Variants in SMCO2 observed in about 807,000 individuals in gnomAD.
The protein encoded by SMCO2 is single-pass membrane protein with coiled-coil domains 2, also known as single-pass membrane and coiled-coil domain-containing protein 2.
Under a neutral mutation model 29.5 loss-of-function variants are expected in SMCO2, and 25 were observed. The ratio of observed to expected loss-of-function variants is 0.85; its 90% CI spans 0.62 to 1.18. The LOEUF (loss-of-function observed/expected upper bound fraction) is 1.18. Ranked by LOEUF, SMCO2 falls within the 50% of genes most tolerant of loss-of-function variation. The pLI is 0.00. For missense variants in SMCO2, 348 were observed against 344.5 expected, an observed-to-expected ratio of 1.01 and a Z score of -0.08; for synonymous variants, 117 against 123.3, an observed-to-expected ratio of 0.95 and a Z score of 0.34.
intron 5 of SMCO2, among the ~76,000 whole-genome samples, chr12:27,492,431 C>G (rs1224342030): frequency 6.6e-5 from 10 of 152,144 alleles, no homozygotes; most frequent in Non-Finnish European, 1.0e-4. Context: ...GGCATGGTGG[C>G]TCATGCCTGT....
the SMCO2 span, among the ~76,000 whole-genome samples, chr12:27,429,795 CA>C: frequency 6.6e-6 from 1 of 152,140 alleles, no homozygotes; most frequent in African/African-American, 2.4e-5. Flanking sequence ...GTGCAATTGC[CA>C]AATCAAAATT....
intron 7 of SMCO2, chr12:27,497,782 A>G (rs1440266506): frequency 2.1e-5 from 4 of 190,716 alleles, no homozygotes; most frequent in Admixed American, 6.2e-5. Context: ...GATGCATCTG[A>G]TCTGGCTGCT....
the SMCO2 span, among the ~76,000 whole-genome samples, chr12:27,435,183 A>G: frequency 6.8e-6 from 1 of 146,684 alleles, no homozygotes; most frequent in African/African-American, 2.5e-5. Context: ...TAATTCTTTA[A>G]TTATACATCC....
intron 1 of SMCO2, among the ~76,000 whole-genome samples, chr12:27,467,665 T>G (rs1176489687): frequency 6.6e-6 from 1 of 152,138 alleles, no homozygotes; most frequent in African/African-American, 2.4e-5. Flanking sequence ...GGGCATTAAT[T>G]TTATGTGTAA....
At chr12:27,450,387 G>A in the SMCO2 span, among the ~76,000 whole-genome samples, 1 of 152,100 alleles carries the variant, frequency 6.6e-6, no homozygotes, top group Non-Finnish European at 1.5e-5. Context: ...GTTTCCACTG[G>A]ACCTCTGTGT....
At chr12:27,464,716 CAAAAAAAAAAAA>C (rs767874837), upstream of SMCO2, among the ~76,000 whole-genome samples, 1 of 46,134 alleles carries the variant, frequency 2.2e-5, no homozygotes, top group Non-Finnish European at 4.1e-5. Flanking sequence ...GACCCTGTCT[CAAAAAAAAAAAA>C]AAAAAAAAAA....
upstream of SMCO2, among the ~76,000 whole-genome samples, chr12:27,463,186 T>C (rs921527925): frequency 3.3e-5 from 5 of 152,214 alleles, no homozygotes; most frequent in African/African-American, 9.6e-5. Context: ...ATGCCCTGTG[T>C]TTGTGGGTGC....
At chr12:27,479,866 A>T (rs116088408) in intron 4 of SMCO2, among the ~76,000 whole-genome samples, 3,431 of 150,178 alleles carry the variant, frequency 0.023, 42 homozygotes, top group African/African-American at 0.041. Flanking sequence ...TCTTTCCTTC[A>T]TAAATTACGC....
chr12:27,428,349 G>C, the SMCO2 span, among the ~76,000 whole-genome samples: 2 of 152,192 alleles, frequency 1.3e-5, no homozygotes, highest in African/African-American at 4.8e-5. Context: ...TTGGAAGTTA[G>C]AAGCAAGATG....
At chr12:27,462,600 T>C (rs114229969), upstream of SMCO2, among the ~76,000 whole-genome samples, 378 of 152,284 alleles carry the variant, frequency 2.5e-3, no homozygotes, top group African/African-American at 8.5e-3. Flanking sequence ...AGGTAGCTAT[T>C]GTTTCCCCAT....
exon 8 of SMCO2, chr12:27,502,015 T>C: frequency 7.8e-6 from 12 of 1,548,310 alleles, no homozygotes; most frequent in Non-Finnish European, 1.0e-5. Context: ...ACATTTCTCT[T>C]TGAAAGGGTG....
the SMCO2 span, among the ~76,000 whole-genome samples, chr12:27,442,861 A>G: frequency 6.6e-6 from 1 of 152,146 alleles, no homozygotes; most frequent in Non-Finnish European, 1.5e-5. Context: ...AGCTTAAGTG[A>G]TCCTCCCACC....
the SMCO2 span, among the ~76,000 whole-genome samples, chr12:27,441,790 C>T: frequency 2.5e-4 from 38 of 152,228 alleles, no homozygotes; most frequent in Non-Finnish European, 4.4e-4. Context: ...TTCATCAGCA[C>T]ATGGAATATT....
chr12:27,498,473 G>T, intron 7 of SMCO2: 1 of 219,848 alleles, frequency 4.5e-6, no homozygotes, highest in South Asian at 8.3e-5. Context: ...GAGAAAGATC[G>T]ACAAGAGTGG....
the SMCO2 span, among the ~76,000 whole-genome samples, chr12:27,446,112 C>T: frequency 1.3e-5 from 2 of 152,110 alleles, no homozygotes; most frequent in African/African-American, 4.8e-5. Context: ...CCATGTTGGC[C>T]AGGCTGGTCT....
At chr12:27,465,529 A>G (rs1949492119), upstream of SMCO2, among the ~76,000 whole-genome samples, 1 of 152,220 alleles carries the variant, frequency 6.6e-6, no homozygotes, top group African/African-American at 2.4e-5. Flanking sequence ...GAAAGGTGAC[A>G]CATCTGAACT....
chr12:27,442,502 A>C, the SMCO2 span, among the ~76,000 whole-genome samples: 2 of 152,230 alleles, frequency 1.3e-5, no homozygotes, highest in African/African-American at 4.8e-5. Context: ...TGAACCATGA[A>C]GAAATAGAAA....
intron 4 of SMCO2, among the ~76,000 whole-genome samples, chr12:27,484,874 AT>A (rs1565679408): frequency 0.048 from 3,779 of 79,372 alleles, 73 homozygotes; most frequent in East Asian, 0.14. Flanking sequence ...AAAAAAAAAT[AT>A]ATATATATAT....
chr12:27,480,846 A>G (rs1565677965), intron 4 of SMCO2, among the ~76,000 whole-genome samples: 1 of 152,168 alleles, frequency 6.6e-6, no homozygotes, highest in African/African-American at 2.4e-5. Context: ...TTACAGAACC[A>G]TAGGCCAAAA....
Sources: gnomAD v4.1 joint callset for allele counts (sites outside exome capture counted in the v4.1 genomes callset) on GRCh38, gnomAD v4.1.1 for gene constraint, MANE v1.5 for transcripts, NCBI Gene and HGNC (gene_info 2026-07-23, HGNC 2026-07-21) for gene names.